The following GRHL2 variants were observed in gnomAD, a reference collection of about 807,000 sequenced individuals.
GRHL2 encodes grainyhead like transcription factor 2.
Under a neutral mutation model 83.8 loss-of-function variants are expected in GRHL2, and 21 were observed. That is an observed-to-expected ratio of 0.25 (90% CI 0.18 to 0.36). The LOEUF (loss-of-function observed/expected upper bound fraction) is 0.36, where lower values mean the gene tolerates loss of function less well. Among genes scored for constraint, GRHL2 ranks in the 10% least tolerant of loss-of-function variants. The pLI is 1.00. For synonymous variants in GRHL2, 280 were observed against 278.9 expected (o/e 1.00, Z -0.04); for missense variants, 623 against 781.8 (o/e 0.80, Z 2.42).
chr8:101,556,514 A>C (rs745942604), intron 3 of GRHL2, among the ~76,000 whole-genome samples: 1 of 152,160 alleles, frequency 6.6e-6, no homozygotes, highest in Admixed American at 6.5e-5. Context: ...ATGAGTTCTT[A>C]TTTGTTTCTG....
intron 14 of GRHL2, among the ~76,000 whole-genome samples, chr8:101,659,289 T>G (rs761531916): frequency 5.9e-5 from 9 of 152,232 alleles, no homozygotes; most frequent in Non-Finnish European, 1.3e-4. Context: ...CTAATGTTAC[T>G]TTGTGTTCAT....
intron 8 of GRHL2, among the ~76,000 whole-genome samples, chr8:101,611,835 T>C (rs76831373): frequency 0.015 from 2,326 of 150,984 alleles, 234 homozygotes; most frequent in African/African-American, 0.055. Context: ...TTTCTTCACC[T>C]TCCAGATATA....
At chr8:101,643,473 C>T (rs997428432) in intron 12 of GRHL2, among the ~76,000 whole-genome samples, 2 of 151,738 alleles carry the variant, frequency 1.3e-5, no homozygotes, top group Admixed American at 1.3e-4. Context: ...ACATCAGAAC[C>T]AGCCGAGCTG....
chr8:101,617,957 C>T (rs1253842226), intron 8 of GRHL2, among the ~76,000 whole-genome samples: 3 of 152,184 alleles, frequency 2.0e-5, no homozygotes, highest in Admixed American at 1.3e-4. Flanking sequence ...TTAAATAGTA[C>T]ATCTAATGAA....
chr8:101,505,592 A>AAC, intron 1 of GRHL2, among the ~76,000 whole-genome samples: 1 of 151,650 alleles, frequency 6.6e-6, no homozygotes, highest in Non-Finnish European at 1.5e-5. Flanking sequence ...AAAAAAAAAA[A>AAC]AAAAACAGTG....
rs372210965 is a variant in GRHL2, at chr8:101,631,655, C to A, written c.1276C>A (p.Arg426=). 33 of 1,613,422 alleles carry A rather than the reference C, an allele frequency of 2.0e-5. No homozygotes were observed. The highest frequency in any genetic ancestry group is 2.7e-5 in the Non-Finnish European group (32 of 1,179,626). Reference sequence around the variant, plus strand: ...CTATCAGGGAGCAGAAAGAAAAATCCGAGATGAAGAGCGGAAGCAGAACAG... The same window carrying A: ...CTATCAGGGAGCAGAAAGAAAAATCAGAGATGAAGAGCGGAAGCAGAACAG... ...FCDKGAERKI[R]DEERKQNRKK... The change falls in exon 10 of 16, where the codon CGA becomes AGA. Residue 426 remains arginine, a synonymous_variant. Coordinates refer to ENST00000646743, the MANE Select transcript of GRHL2 (RefSeq NM_024915.4).
intron 1 of GRHL2, among the ~76,000 whole-genome samples, chr8:101,496,280 AG>A (rs1203020642): frequency 7.9e-5 from 12 of 151,308 alleles, no homozygotes; most frequent in Admixed American, 4.6e-4. Flanking sequence ...AAATGGCTGA[AG>A]TTATAGGTCT....
At chr8:101,585,605 C>T (rs1296640762) in intron 7 of GRHL2, among the ~76,000 whole-genome samples, 1 of 152,152 alleles carries the variant, frequency 6.6e-6, no homozygotes, top group South Asian at 2.1e-4. Context: ...GCTGTTATCA[C>T]GAGTTCATGT....
intron 8 of GRHL2, among the ~76,000 whole-genome samples, chr8:101,612,520 GATAC>G (rs58026460): frequency 0.019 from 2,323 of 123,706 alleles, 77 homozygotes; most frequent in African/African-American, 0.046. Flanking sequence ...TAGATAGATA[GATAC>G]ATACATACAT....
At chr8:101,529,102 C>T (rs1357623400) in intron 1 of GRHL2, 3 of 378,896 alleles carry the variant, frequency 7.9e-6, no homozygotes, top group Non-Finnish European at 1.0e-5. Context: ...TTCTATGGGG[C>T]TTTGTTTCTT....
In GRHL2 at chr8:101,632,341, T is replaced by C; in HGVS notation, c.1461T>C (p.Phe487=). The change falls in exon 11 of 16, where the codon TTT becomes TTC. Residue 487 remains phenylalanine, a synonymous_variant. Coordinates refer to ENST00000646743, the MANE Select transcript of GRHL2 (RefSeq NM_024915.4). The part of the protein sequence containing the change: ...QPVLFIPDVH[F]ANLQRTGQVY... ...TTCTCTTCATACCTGATGTTCACTT[T>C]GCAAACCTGCAGAGGACCGGACAGG... is the stretch of plus-strand genomic sequence containing the variant. The C allele has an allele frequency of 6.2e-7, 1 of 1,613,988 alleles. No homozygotes were observed. The highest frequency in any genetic ancestry group is 1.7e-4 in the Middle Eastern group (1 of 6,060).
chr8:101,572,799 A>G (rs1481308764), intron 5 of GRHL2, among the ~76,000 whole-genome samples: 2 of 152,066 alleles, frequency 1.3e-5, no homozygotes, highest in East Asian at 3.8e-4. Context: ...TCCTTTGTAA[A>G]TTATATCATG....
chr8:101,534,332 T>C (rs1810997770), intron 1 of GRHL2, among the ~76,000 whole-genome samples: 1 of 152,036 alleles, frequency 6.6e-6, no homozygotes, highest in Non-Finnish European at 1.5e-5. Context: ...CACCTGGTTG[T>C]GGGCAGCCCT....
chr8:101,652,350 G>GTGGTGTT (rs1813650232), intron 14 of GRHL2, among the ~76,000 whole-genome samples: 1 of 51,894 alleles, frequency 1.9e-5, no homozygotes, highest in African/African-American at 2.0e-4. Context: ...TATGTGTGTG[G>GTGGTGTT]TGTGTGTGGT....
intron 7 of GRHL2, among the ~76,000 whole-genome samples, chr8:101,591,513 C>G (rs529202417): frequency 6.6e-6 from 1 of 152,312 alleles, no homozygotes. Flanking sequence ...TTCAGTGCTT[C>G]CCAAGAAACT....
intron 13 of GRHL2, among the ~76,000 whole-genome samples, chr8:101,645,454 G>A (rs971824526): frequency 6.6e-6 from 1 of 152,064 alleles, no homozygotes; most frequent in Non-Finnish European, 1.5e-5. Flanking sequence ...CATCTGCATA[G>A]GCTTGAGTAC....
At position 101,527,549 on chromosome 8, in the gene GRHL2, A is replaced by G. The variant is rs548056405; in HGVS notation, c.21-15692A>G. On this transcript the variant is annotated intron_variant, in intron 1 of 15. Coordinates refer to ENST00000646743, the MANE Select transcript of GRHL2 (RefSeq NM_024915.4). ...TCTCCTGTCACCTCTCAGGTGTTTT[A>G]TTTTAGTTTGGTATTATATTTAAGA... Among the ~76,000 whole-genome samples the G allele has an allele frequency of 7.9e-5, 12 of 152,154 alleles. No homozygotes were observed. The South Asian group carries it at 2.1e-3, about 26-fold the overall frequency.
chr8:101,679,989 C>T, the GRHL2 span, among the ~76,000 whole-genome samples: 3 of 118,500 alleles, frequency 2.5e-5, no homozygotes, highest in Non-Finnish European at 5.2e-5. Flanking sequence ...ATGTAAAGAC[C>T]ATCGAGACTA....
chr8:101,531,752 C>T (rs546822280), intron 1 of GRHL2, among the ~76,000 whole-genome samples: 1 of 151,882 alleles, frequency 6.6e-6, no homozygotes, highest in African/African-American at 2.4e-5. Flanking sequence ...ATTTCCAATC[C>T]TTTTACTTAA....
Sources: allele counts gnomAD v4.1 joint callset (sites outside exome capture counted in the v4.1 genomes callset), GRCh38; gene constraint gnomAD v4.1.1; transcripts MANE v1.5; gene names NCBI Gene and HGNC (gene_info 2026-07-23, HGNC 2026-07-21).